The following DAB1 variants were observed in gnomAD, a reference collection of about 807,000 sequenced individuals.
DAB1 encodes the protein disabled homolog 1.
In DAB1, 15 loss-of-function variants were observed where a neutral mutation model predicts 64.6. The observed-to-expected ratio is 0.23, with a 90% confidence interval of 0.16 to 0.36. The LOEUF (loss-of-function observed/expected upper bound fraction) is 0.36. Among genes scored for constraint, DAB1 ranks in the 10% least tolerant of loss-of-function variants. DAB1 has a pLI of 1.00. For synonymous variants in DAB1, 235 were observed against 251.9 expected, an observed-to-expected ratio of 0.93 and a Z score of 0.64; for missense variants, 596 against 706.7, an observed-to-expected ratio of 0.84 and a Z score of 1.78.
intron 2 of DAB1, among the ~76,000 whole-genome samples, chr1:57,286,353 A>G (rs1232541459): frequency 1.3e-5 from 2 of 152,152 alleles, no homozygotes; most frequent in South Asian, 2.1e-4. Flanking sequence ...CTAAATCTTA[A>G]TAAGAGGGGG....
chr1:58,040,856 C>T (rs141755551), intron 5 of DAB1, among the ~76,000 whole-genome samples: 4 of 152,240 alleles, frequency 2.6e-5, no homozygotes, highest in South Asian at 2.1e-4. Flanking sequence ...TTTTCCTGAA[C>T]CTCACAACTC....
intron 7 of DAB1, among the ~76,000 whole-genome samples, chr1:57,502,432 T>C (rs1644301537): frequency 6.6e-6 from 1 of 152,142 alleles, no homozygotes. Context: ...AAAGAATATG[T>C]TGATGTTAGG....
chr1:57,360,854 A>G (rs370780618), intron 1 of DAB1, among the ~76,000 whole-genome samples: 1 of 152,150 alleles, frequency 6.6e-6, no homozygotes, highest in South Asian at 2.1e-4. Flanking sequence ...CCGGCCCTTC[A>G]ATAACAAGTC....
At chr1:57,299,081 T>C (rs1428516609) in intron 1 of DAB1, among the ~76,000 whole-genome samples, 1 of 152,256 alleles carries the variant, frequency 6.6e-6, no homozygotes, top group Non-Finnish European at 1.5e-5. Context: ...ATAATACTAG[T>C]AGTACCACTT....
chr1:57,145,277 G>A lies in DAB1; in HGVS notation c.207+13C>T, dbSNP rs374541578. Reference sequence around the variant, plus strand: ...AAACACAAAGTATTGAAAAGAAAACGTTTGCATAGCACCTTGAGTTTCATC... The same window carrying A: ...AAACACAAAGTATTGAAAAGAAAACATTTGCATAGCACCTTGAGTTTCATC... On this transcript the variant is annotated intron_variant, in intron 3 of 14. Coordinates refer to ENST00000371236, the MANE Select transcript of DAB1 (RefSeq NM_001365792.1). The A allele has an allele frequency of 4.5e-5, 73 of 1,613,042 alleles. No individual in the cohort carries two copies. Among genetic ancestry groups the A allele is most frequent in the Non-Finnish European group, 5.6e-5 (66 of 1,179,348 alleles).
chr1:57,160,987 G>A (rs977125906), intron 2 of DAB1, among the ~76,000 whole-genome samples: 1 of 151,996 alleles, frequency 6.6e-6, no homozygotes, highest in African/African-American at 2.4e-5. Context: ...ACTGCATCAC[G>A]GTTCAACTCT....
At chr1:57,145,456 T>C (rs754090507) in intron 2 of DAB1, 27 bp from the exon 3 acceptor site, 1 of 1,613,508 alleles carries the variant, frequency 6.2e-7, no homozygotes, top group African/African-American at 1.3e-5. Context: ...CAGATTCAAA[T>C]ATGTAGCTGT....
chr1:58,112,142 A>T (rs1209542497), intron 5 of DAB1, among the ~76,000 whole-genome samples: 1 of 152,084 alleles, frequency 6.6e-6, no homozygotes, highest in Non-Finnish European at 1.5e-5. Flanking sequence ...CTCAGGCATC[A>T]TCTCCTTAAG....
In DAB1 at chr1:58,308,479, C is replaced by T. The variant is rs1569628659; in HGVS notation, n.309+34873G>A. 2.0e-5 allele frequency among the ~76,000 whole-genome samples: 3 copies of T among 152,168 alleles called. No individual in the cohort carries two copies. In the East Asian group the frequency reaches 5.8e-4, roughly 29 times the overall value. On this transcript the variant is annotated intron_variant and non_coding_transcript_variant, in intron 4 of 20. Coordinates refer to the DAB1 transcript ENST00000485760. Reference sequence around the variant, plus strand: ...GACACCCAATTTGTTCTCCGACATTCTCCTCTTTCCTCCTTCCACAGTGGA... The same window carrying T: ...GACACCCAATTTGTTCTCCGACATTTTCCTCTTTCCTCCTTCCACAGTGGA...
intron 3 of DAB1, among the ~76,000 whole-genome samples, chr1:58,497,051 G>A (rs776717276): frequency 1.6e-4 from 24 of 152,144 alleles, no homozygotes; most frequent in Non-Finnish European, 2.6e-4. Flanking sequence ...CCAATGCAAA[G>A]CACTATGAAG....
intron 4 of DAB1, among the ~76,000 whole-genome samples, chr1:57,090,993 G>C (rs150881574): frequency 6.6e-6 from 1 of 152,120 alleles, no homozygotes; most frequent in Non-Finnish European, 1.5e-5. Flanking sequence ...AGGTGGAACA[G>C]TTTTATCCTG....
chr1:57,936,725 G>A (rs904602549), intron 5 of DAB1, among the ~76,000 whole-genome samples: 5 of 151,824 alleles, frequency 3.3e-5, no homozygotes, highest in African/African-American at 4.8e-5. Flanking sequence ...TCGCACTGTT[G>A]TTTAAAATAG....
chr1:58,021,949 A>G (rs1259973744), intron 5 of DAB1, among the ~76,000 whole-genome samples: 2 of 152,180 alleles, frequency 1.3e-5, no homozygotes, highest in Non-Finnish European at 2.9e-5. Flanking sequence ...GGCTTAAACT[A>G]TCTTTTTCCT....
At chr1:58,097,516 A>G (rs943899693) in intron 5 of DAB1, among the ~76,000 whole-genome samples, 3 of 147,706 alleles carry the variant, frequency 2.0e-5, no homozygotes, top group Non-Finnish European at 4.5e-5. Flanking sequence ...GATGTTCAGG[A>G]AGCCTTTTTT....
chr1:58,489,011 G>A (rs919400770), intron 3 of DAB1, among the ~76,000 whole-genome samples: 11 of 152,218 alleles, frequency 7.2e-5, no homozygotes, highest in Admixed American at 2.0e-4. Context: ...AGCTCCCAGC[G>A]TCAGCGACGC....
At chr1:57,971,666 C>A (rs1341536917) in intron 5 of DAB1, among the ~76,000 whole-genome samples, 1 of 152,144 alleles carries the variant, frequency 6.6e-6, no homozygotes, top group Non-Finnish European at 1.5e-5. Flanking sequence ...TTATACATAG[C>A]TGAATTCTGT....
At chr1:58,450,094 A>G (rs78185994) in intron 3 of DAB1, among the ~76,000 whole-genome samples, 4,841 of 152,306 alleles carry the variant, frequency 0.032, 267 homozygotes, top group African/African-American at 0.11. Flanking sequence ...AAGATGGTAT[A>G]TGCACCCTTC....
intron 3 of DAB1, among the ~76,000 whole-genome samples, chr1:58,439,696 C>A (rs1182508525): frequency 6.6e-6 from 1 of 152,180 alleles, no homozygotes; most frequent in East Asian, 1.9e-4. Context: ...AATAATTTGT[C>A]CAGGACCACA....
chr1:58,120,984 G>T (rs1652702766), intron 5 of DAB1, among the ~76,000 whole-genome samples: 1 of 152,096 alleles, frequency 6.6e-6, no homozygotes, highest in African/African-American at 2.4e-5. Flanking sequence ...CATCTCGTTA[G>T]GTTCACTGAC....
Sources: allele counts gnomAD v4.1 joint callset (sites outside exome capture counted in the v4.1 genomes callset), GRCh38; gene constraint gnomAD v4.1.1; transcripts MANE v1.5; gene names NCBI Gene and HGNC (gene_info 2026-07-23, HGNC 2026-07-21).